Variants in VPS13B observed in about 807,000 individuals in gnomAD.
VPS13B encodes the protein vacuolar protein sorting 13 homolog B, also known as intermembrane lipid transfer protein VPS13B.
A neutral mutation model predicts 426.4 loss-of-function variants in VPS13B; 285 were observed. That is an observed-to-expected ratio of 0.67 (90% CI 0.61 to 0.74). VPS13B has a LOEUF of 0.74. Ranked by LOEUF, VPS13B falls within the 30% of genes least tolerant of loss-of-function variation. VPS13B has a pLI of 0.00. For synonymous variants in VPS13B, 1,676 were observed against 1,676.4 expected, an observed-to-expected ratio of 1.00 and a Z score of 0.01; for missense variants, 4,537 against 4,782.6, an observed-to-expected ratio of 0.95 and a Z score of 1.51.
chr8:99,666,674 T>A (rs879412053), intron 35 of VPS13B, among the ~76,000 whole-genome samples: 2 of 152,164 alleles, frequency 1.3e-5, no homozygotes, highest in Non-Finnish European at 1.5e-5. Context: ...TAATAAGAGC[T>A]ATCTATGATA....
chr8:99,343,412 T>G (rs1019366655), intron 19 of VPS13B, among the ~76,000 whole-genome samples: 2 of 152,138 alleles, frequency 1.3e-5, no homozygotes, highest in African/African-American at 4.8e-5. Context: ...TTCAGTTAGG[T>G]TGTTTTCTTG....
At position 99,819,921 on chromosome 8, in the gene VPS13B, G is replaced by C. The variant is rs1814270252; in HGVS notation, c.8793G>C (p.Arg2931Ser). The C allele has an allele frequency of 6.2e-7, 1 of 1,613,898 alleles. No individual in the cohort carries two copies. The highest frequency in any genetic ancestry group is 8.5e-7 in the Non-Finnish European group (1 of 1,179,862). Residue 2931 changes from arginine to serine, a missense_variant and splice_region_variant, in exon 49 of 62, where the codon AGG (arginine) becomes AGC (serine). By Grantham distance (110) the Arg-to-Ser change is moderately radical. This residue lies in a region of VPS13B where 4,311 missense variants were observed against 4,474.3 expected (regional missense o/e 0.96). Coordinates refer to ENST00000357162, the MANE Select transcript of VPS13B (RefSeq NM_152564.5). The part of the protein sequence containing the change: ...IWPYNKKDSD[R>S]NEQLSQWDSP... ...CTCTTGGATGTGGTTTTTGGAACAG[G>C]AATGAACAGCTAAGTCAGTGGGATA... is the stretch of plus-strand genomic sequence containing the variant.
At chr8:99,778,655 T>A in intron 41 of VPS13B, 27 bp from the exon 42 acceptor site, 1 of 1,596,088 alleles carries the variant, frequency 6.3e-7, no homozygotes, top group Non-Finnish European at 8.6e-7. Flanking sequence ...TCTTAATTGC[T>A]GTTTTCCTTG....
At chr8:99,392,784 A>C (rs1263420389) in intron 21 of VPS13B, among the ~76,000 whole-genome samples, 1 of 152,114 alleles carries the variant, frequency 6.6e-6, no homozygotes, top group Non-Finnish European at 1.5e-5. Flanking sequence ...GACATTAATT[A>C]TGTTTATTTT....
intron 17 of VPS13B, among the ~76,000 whole-genome samples, chr8:99,219,949 G>C (rs899812480): frequency 1.3e-5 from 2 of 152,140 alleles, no homozygotes; most frequent in African/African-American, 4.8e-5. Context: ...TACTCAGATC[G>C]AGCCAGTTGT....
chr8:99,233,813 T>C (rs1816491117), intron 17 of VPS13B: 6 of 778,550 alleles, frequency 7.7e-6, no homozygotes, highest in Non-Finnish European at 1.2e-5. Flanking sequence ...GGCCACGATT[T>C]TCAGAGGAAT....
At position 99,720,887 on chromosome 8, in the gene VPS13B, A is replaced by G. The variant is rs750125340; in HGVS notation, c.6890A>G (p.Tyr2297Cys). ...DAESLKLPGV[Y>C]EVLFYNETED... The stretch of plus-strand genomic sequence containing the variant: ...GAATCTTTGAAATTGCCTGGGGTCT[A>G]TGAAGTCTTATTTTATAATGAAACT... Residue 2297 changes from tyrosine to cysteine, a missense_variant, in exon 39 of 62, where the codon TAT becomes TGT. Tyr to Cys is a radical substitution (Grantham distance 194). Coordinates refer to ENST00000357162, the MANE Select transcript of VPS13B (RefSeq NM_152564.5). 19 of 1,613,764 alleles carry G rather than the reference A, an allele frequency of 1.2e-5. No individual in the cohort carries two copies. Among genetic ancestry groups the G allele is most frequent in the Non-Finnish European group, 1.6e-5 (19 of 1,179,840 alleles).
rs201978374 is a variant in VPS13B, at chr8:99,620,233, A to G, written c.5221-21578A>G. Among the ~76,000 whole-genome samples the G allele has an allele frequency of 1.3e-4, 20 of 152,334 alleles. 1 individual carries two copies. The East Asian group carries it at 3.9e-3, about 29-fold the overall frequency. On this transcript the variant is annotated intron_variant, in intron 33 of 61. Transcript: ENST00000357162. ...TAAAAACCACTGAGGGTGACTCAAG[A>G]GAACTAGAAACCAAAATTCTTCTTA...
At position 99,817,710 on chromosome 8, in the gene VPS13B, G is replaced by C. The variant is rs1204713346; in HGVS notation, c.8268G>C (p.Leu2756=). ...LPSYILENNE[L]TELCVKAKGD... ...CGTACATACTAGAAAACAATGAACT[G>C]ACGGAGCTGTGTGTGAAGGCCAAAG... Residue 2756 remains leucine, a synonymous_variant, in exon 45 of 62, where the codon CTG becomes CTC. Coordinates refer to ENST00000357162, the MANE Select transcript of VPS13B (RefSeq NM_152564.5). The C allele has an allele frequency of 6.2e-7, 1 of 1,614,052 alleles. No individual in the cohort carries two copies. Among genetic ancestry groups the C allele is most frequent in the Non-Finnish European group, 8.5e-7 (1 of 1,179,980 alleles).
chr8:99,084,644 G>A (rs939109359), intron 3 of VPS13B, among the ~76,000 whole-genome samples: 2 of 152,230 alleles, frequency 1.3e-5, no homozygotes, highest in African/African-American at 2.4e-5. Flanking sequence ...AGAGATTCTG[G>A]TATGTTGTGT....
chr8:99,556,717 A>G, intron 31 of VPS13B, 64 bp downstream of exon 31: 1 of 1,557,270 alleles, frequency 6.4e-7, no homozygotes, highest in African/African-American at 1.4e-5. Context: ...AGTTGGTGAT[A>G]CAATCTTTAG....
chr8:99,759,232 G>A (rs184357062), intron 39 of VPS13B, among the ~76,000 whole-genome samples: 6 of 152,126 alleles, frequency 3.9e-5, no homozygotes, highest in Admixed American at 3.9e-4. Context: ...ACAAGCCCTG[G>A]ATCTTGTCAT....
chr8:99,788,295 G>A (rs942054395), intron 43 of VPS13B, among the ~76,000 whole-genome samples: 1 of 144,486 alleles, frequency 6.9e-6, no homozygotes, highest in African/African-American at 2.6e-5. Context: ...CATACCTGTA[G>A]TTCTAGCTAC....
At chr8:99,740,093 G>A (rs1441278609) in intron 39 of VPS13B, among the ~76,000 whole-genome samples, 1 of 152,120 alleles carries the variant, frequency 6.6e-6, no homozygotes, top group African/African-American at 2.4e-5. Context: ...TAGACGAATG[G>A]CTAACTAGAA....
At chr8:99,083,335 T>C (rs1478235854) in intron 3 of VPS13B, among the ~76,000 whole-genome samples, 1 of 152,234 alleles carries the variant, frequency 6.6e-6, no homozygotes, top group East Asian at 1.9e-4. Flanking sequence ...TGAAGTTGCC[T>C]ATCAGCTTAA....
intron 32 of VPS13B, 52 bp downstream of exon 32, chr8:99,575,836 C>T: frequency 6.3e-7 from 1 of 1,577,022 alleles, no homozygotes. Flanking sequence ...AATTGCTCCT[C>T]TTTGTATGTT....
rs764611399 is a variant in VPS13B at position 99,209,796 on chromosome 8, CAA to C, written c.2515+16741_2515+16742del. The C allele has an allele frequency of 3.4e-5, 30 of 872,186 alleles. No homozygotes were observed. The East Asian group carries it at 3.4e-3, about 99-fold the overall frequency. 54.0% of individuals were successfully genotyped at this position (872,186 alleles called of 1,614,324 possible). ...AAATATTCTTTATACAAGGAAGTCT[CAA>C]AGAGAAATTACATTTGAAATAGTTT... is the stretch of plus-strand genomic sequence containing the variant. On this transcript the variant is annotated intron_variant, in intron 17 of 61. Coordinates refer to ENST00000357162, the MANE Select transcript of VPS13B (RefSeq NM_152564.5).
intron 2 of VPS13B, among the ~76,000 whole-genome samples, chr8:99,021,620 CA>C (rs112750710): frequency 3.5e-5 from 5 of 142,318 alleles, no homozygotes; most frequent in South Asian, 2.3e-4. Context: ...GACTCCATCT[CA>C]AAAAAAAAAC....
At chr8:99,541,577 T>A (rs1823623984) in intron 30 of VPS13B, among the ~76,000 whole-genome samples, 2 of 152,174 alleles carry the variant, frequency 1.3e-5, no homozygotes, top group African/African-American at 4.8e-5. Context: ...CAACTCCCAC[T>A]GAGTGACAAC....
Sources: allele counts gnomAD v4.1 joint callset (sites outside exome capture counted in the v4.1 genomes callset), GRCh38; gene constraint gnomAD v4.1.1; regional missense constraint gnomAD v4.1.1; transcripts MANE v1.5; gene names NCBI Gene and HGNC (gene_info 2026-07-23, HGNC 2026-07-21).